The following PDZRN4 variants were observed in gnomAD, a reference collection of about 807,000 sequenced individuals.
The protein encoded by PDZRN4 is PDZ domain containing ring finger 4.
A neutral mutation model predicts 99.0 loss-of-function variants in PDZRN4; 70 were observed. The observed-to-expected ratio is 0.71, with a 90% CI of 0.58 to 0.86. The LOEUF (loss-of-function observed/expected upper bound fraction) is 0.86, where lower values mean the gene tolerates loss of function less well. Among genes scored for constraint, PDZRN4 ranks in the 40% least tolerant of loss-of-function variants. The probability of loss-of-function intolerance (pLI) is 0.00; values close to 1 mark genes in which losing one functional copy is unlikely to be tolerated. For synonymous variants in PDZRN4, 551 were observed against 501.6 expected (o/e 1.10, Z -1.32); for missense variants, 1,474 against 1,331.2 (o/e 1.11, Z -1.67).
chr12:41,250,585 T>G (rs866984947), intron 3 of PDZRN4, among the ~76,000 whole-genome samples: 3 of 152,190 alleles, frequency 2.0e-5, no homozygotes, highest in Admixed American at 6.5e-5. Flanking sequence ...TTTTTTACAT[T>G]ATTAACTGGA....
intron 5 of PDZRN4, among the ~76,000 whole-genome samples, chr12:41,539,368 T>A (rs1429731990): frequency 1.3e-5 from 2 of 152,086 alleles, no homozygotes; most frequent in Non-Finnish European, 2.9e-5. Context: ...TATTTCACAG[T>A]TTAATTTATT....
At position 41,543,592 on chromosome 12, in the gene PDZRN4, A is replaced by G. The variant is rs541169421; in HGVS notation, c.1204-9064A>G. Among the ~76,000 whole-genome samples the G allele has an allele frequency of 6.6e-5, 10 of 152,296 alleles. No homozygotes were observed. The East Asian group carries it at 1.9e-3, about 29-fold the overall frequency. On this transcript the variant is annotated intron_variant, in intron 5 of 9. Coordinates refer to ENST00000402685, the MANE Select transcript of PDZRN4 (RefSeq NM_001164595.2). ...CCAAAGGTTTATTGTTTTAGATATA[A>G]CTTGTTGCAGGGGCTCAAATAGTGG... is the stretch of plus-strand genomic sequence containing the variant.
chr12:41,419,358 G>A (rs1366779803), intron 3 of PDZRN4, among the ~76,000 whole-genome samples: 1 of 152,090 alleles, frequency 6.6e-6, no homozygotes, highest in Middle Eastern at 3.2e-3. Flanking sequence ...TTGAGACTTG[G>A]GATCCATGCA....
intron 3 of PDZRN4, among the ~76,000 whole-genome samples, chr12:41,276,762 G>A (rs769143714): frequency 4.6e-5 from 7 of 152,140 alleles, no homozygotes; most frequent in South Asian, 2.1e-4. Flanking sequence ...AATCACATCA[G>A]CTAATGTATG....
intron 3 of PDZRN4, among the ~76,000 whole-genome samples, chr12:41,424,611 G>A (rs1486313550): frequency 2.0e-5 from 3 of 151,844 alleles, no homozygotes; most frequent in East Asian, 3.9e-4. Context: ...GAACTCAGAA[G>A]TGTTTACTTT....
chr12:41,335,413 A>T (rs1282485375), intron 3 of PDZRN4, among the ~76,000 whole-genome samples: 1 of 152,132 alleles, frequency 6.6e-6, no homozygotes, highest in East Asian at 1.9e-4. Flanking sequence ...ATGTTATTGC[A>T]CATCACAAAT....
intron 3 of PDZRN4, among the ~76,000 whole-genome samples, chr12:41,505,426 C>T (rs547104509): frequency 1.3e-5 from 2 of 152,064 alleles, no homozygotes; most frequent in Admixed American, 6.6e-5. Flanking sequence ...ACACAACTTC[C>T]GCTAAAAGGC....
At chr12:41,212,393 CCAT>C (rs1950894322) in intron 3 of PDZRN4, among the ~76,000 whole-genome samples, 1 of 151,912 alleles carries the variant, frequency 6.6e-6, no homozygotes, top group African/African-American at 2.4e-5. Context: ...TTATTTACAT[CCAT>C]CATTCCAAGT....
intron 3 of PDZRN4, among the ~76,000 whole-genome samples, chr12:41,284,168 A>C (rs1474227678): frequency 1.3e-5 from 2 of 152,250 alleles, no homozygotes; most frequent in African/African-American, 2.4e-5. Flanking sequence ...ATGTCTCAGC[A>C]TACAAAATAA....
rs1952564372 is a variant in PDZRN4, at chr12:41,429,144, G to A, written c.844-77312G>A. Among the ~76,000 whole-genome samples the A allele has an allele frequency of 2.0e-5, 3 of 152,290 alleles. No individual in the cohort carries two copies. In the South Asian group the frequency reaches 6.2e-4, roughly 32 times the overall value. ...GAAATTAAGAGGGAAATTAAGTCTG[G>A]AGATATATATTTAGAGTCATCGGTA... On this transcript the variant is annotated intron_variant, in intron 3 of 9. Transcript: ENST00000402685.
chr12:41,422,226 G>A (rs756248660), intron 3 of PDZRN4, among the ~76,000 whole-genome samples: 31 of 152,098 alleles, frequency 2.0e-4, no homozygotes, highest in Non-Finnish European at 4.1e-4. Context: ...AGAAGTCAAT[G>A]CACACATAAC....
At chr12:41,496,526 C>T (rs546691125) in intron 3 of PDZRN4, among the ~76,000 whole-genome samples, 5 of 152,190 alleles carry the variant, frequency 3.3e-5, no homozygotes, top group African/African-American at 9.6e-5. Flanking sequence ...GTGATTCCCA[C>T]GTCGATGCTC....
chr12:41,274,616 T>C (rs1463477283), intron 3 of PDZRN4, among the ~76,000 whole-genome samples: 4 of 152,186 alleles, frequency 2.6e-5, no homozygotes, highest in Non-Finnish European at 5.9e-5. Flanking sequence ...ACCTCTTGTA[T>C]CCCTAGACAC....
intron 5 of PDZRN4, 38 bp from the exon 6 acceptor site, chr12:41,552,618 T>C: frequency 6.7e-7 from 1 of 1,483,526 alleles, no homozygotes. Flanking sequence ...AGATTTTCTC[T>C]CTGACATAAA....
chr12:41,565,738 C>G (rs917473641), intron 8 of PDZRN4, among the ~76,000 whole-genome samples: 1 of 152,096 alleles, frequency 6.6e-6, no homozygotes, highest in African/African-American at 2.4e-5. Flanking sequence ...TGCCCATTTT[C>G]TTCCTGAGAC....
At chr12:41,398,888 C>G (rs1390233349) in intron 3 of PDZRN4, among the ~76,000 whole-genome samples, 1 of 152,050 alleles carries the variant, frequency 6.6e-6, no homozygotes, top group Admixed American at 6.6e-5. Context: ...GAAACTCTTC[C>G]CTTAGTGCTC....
intron 3 of PDZRN4, among the ~76,000 whole-genome samples, chr12:41,422,601 G>T (rs1440372616): frequency 6.6e-6 from 1 of 152,100 alleles, no homozygotes; most frequent in Non-Finnish European, 1.5e-5. Flanking sequence ...GAGAGAGAGA[G>T]AGTGGATGAG....
At chr12:41,392,005 T>C (rs1321035152) in intron 3 of PDZRN4, among the ~76,000 whole-genome samples, 3 of 152,218 alleles carry the variant, frequency 2.0e-5, no homozygotes, top group Admixed American at 2.0e-4. Context: ...AGCTTTATGC[T>C]ATAGATGTTA....
intron 5 of PDZRN4, among the ~76,000 whole-genome samples, chr12:41,527,442 G>C (rs1938588035): frequency 1.3e-5 from 2 of 152,058 alleles, no homozygotes; most frequent in Non-Finnish European, 2.9e-5. Flanking sequence ...ACCCATTTTT[G>C]TAGGAATTTG....
Sources: allele counts gnomAD v4.1 joint callset (sites outside exome capture counted in the v4.1 genomes callset), GRCh38; gene constraint gnomAD v4.1.1; transcripts MANE v1.5; gene names NCBI Gene and HGNC (gene_info 2026-07-23, HGNC 2026-07-21).